SLC24A2: variants seen among roughly 807,000 people sequenced by gnomAD.
SLC24A2 encodes the protein solute carrier family 24 member 2, also known as sodium/potassium/calcium exchanger 2.
In SLC24A2, 36 loss-of-function variants were observed where a neutral mutation model predicts 62.0. The ratio of observed to expected loss-of-function variants is 0.58; its 90% CI spans 0.44 to 0.77. SLC24A2 has a LOEUF of 0.77. Among genes scored for constraint, SLC24A2 ranks in the 30% least tolerant of loss-of-function variants. The probability of loss-of-function intolerance (pLI) is 0.00; values close to 1 mark genes in which losing one functional copy is unlikely to be tolerated. For missense variants in SLC24A2, 846 were observed against 817.9 expected, an observed-to-expected ratio of 1.03 and a Z score of -0.42; for synonymous variants, 358 against 294.0, an observed-to-expected ratio of 1.22 and a Z score of -2.23.
At chr9:19,728,111 C>T (rs1041406177) in intron 2 of SLC24A2, among the ~76,000 whole-genome samples, 9 of 152,082 alleles carry the variant, frequency 5.9e-5, no homozygotes, top group African/African-American at 1.9e-4. Flanking sequence ...CTTTCTGATC[C>T]GTAGTCAGAC....
intron 2 of SLC24A2, among the ~76,000 whole-genome samples, chr9:19,635,619 T>C (rs1818292212): frequency 1.3e-5 from 2 of 152,206 alleles, no homozygotes; most frequent in African/African-American, 4.8e-5. Flanking sequence ...AGACCGTGCT[T>C]ATATTGACAT....
the SLC24A2 span, among the ~76,000 whole-genome samples, chr9:20,157,454 T>C: frequency 6.6e-6 from 1 of 151,670 alleles, no homozygotes; most frequent in Admixed American, 6.6e-5. Context: ...ACAGAATACA[T>C]GGGTGAAACA....
chr9:19,777,827 C>T (rs1822889423), intron 2 of SLC24A2, among the ~76,000 whole-genome samples: 1 of 151,994 alleles, frequency 6.6e-6, no homozygotes, highest in Non-Finnish European at 1.5e-5. Flanking sequence ...ATAAACTGTT[C>T]AAAATTTTCT....
the SLC24A2 span, among the ~76,000 whole-genome samples, chr9:20,180,599 C>T: frequency 6.6e-6 from 1 of 152,112 alleles, no homozygotes; most frequent in African/African-American, 2.4e-5. Context: ...AGATTATTGG[C>T]ATGGCTGAAT....
At chr9:20,123,576 A>C in the SLC24A2 span, among the ~76,000 whole-genome samples, 3 of 152,208 alleles carry the variant, frequency 2.0e-5, no homozygotes, top group Non-Finnish European at 4.4e-5. Context: ...TTGAAAAAAT[A>C]CTGAACTTTT....
intron 8 of SLC24A2, among the ~76,000 whole-genome samples, chr9:19,546,051 T>A (rs1347207960): frequency 6.6e-6 from 1 of 152,242 alleles, no homozygotes; most frequent in East Asian, 1.9e-4. Context: ...CAGCAAAGAC[T>A]GCTGCGTGTT....
intron 8 of SLC24A2, among the ~76,000 whole-genome samples, chr9:19,543,344 C>A (rs1834377574): frequency 1.3e-5 from 2 of 150,072 alleles, no homozygotes; most frequent in African/African-American, 4.9e-5. Flanking sequence ...GGCTAGCAGT[C>A]TATCCATTTT....
the SLC24A2 span, among the ~76,000 whole-genome samples, chr9:19,910,882 G>C: frequency 6.7e-5 from 4 of 59,636 alleles, no homozygotes; most frequent in African/African-American, 8.8e-5. Flanking sequence ...CAGGCAGTGA[G>C]GTCCTTTTTT....
At chr9:20,048,171 C>A in the SLC24A2 span, among the ~76,000 whole-genome samples, 1 of 152,154 alleles carries the variant, frequency 6.6e-6, no homozygotes, top group African/African-American at 2.4e-5. Context: ...TAAATACAGT[C>A]CCCTTAGTAC....
chr9:20,129,928 T>TACACACACACACACAC, the SLC24A2 span, among the ~76,000 whole-genome samples: 8,344 of 141,704 alleles, frequency 0.059, 315 homozygotes, highest in Middle Eastern at 0.089. Flanking sequence ...TATAATTTAC[T>TACACACACACACACAC]ACACACACAC....
rs1437522251 is a variant in SLC24A2, at chr9:19,508,581, C to A, written c.*7572G>T. 1 of 152,030 alleles carries A rather than the reference C, an allele frequency of 6.6e-6. No homozygotes were observed. Among genetic ancestry groups the A allele is most frequent in the Non-Finnish European group, 1.5e-5 (1 of 68,042 alleles). 9.4% of individuals were successfully genotyped at this position (152,030 alleles called of 1,614,324 possible). A position where few individuals can be genotyped will look rare whatever the true frequency, so the allele number is the denominator to read the frequency against. ...GCCAAAGCAGGAGGATCTCTTGAGCCCAGGAGTTTGAGACCAGCCTGGGTA... is the reference window on the plus strand; with the variant it reads ...GCCAAAGCAGGAGGATCTCTTGAGCACAGGAGTTTGAGACCAGCCTGGGTA... On this transcript the variant is annotated 3_prime_UTR_variant, in exon 11 of 11. Transcript: ENST00000341998.
intron 2 of SLC24A2, among the ~76,000 whole-genome samples, chr9:19,776,662 AATTATTGCTTGGTC>A: frequency 6.6e-6 from 1 of 152,188 alleles, no homozygotes; most frequent in African/African-American, 2.4e-5. Context: ...CTTAAGCTAA[AATTATTGCTTGGTC>A]AAGTCAATTA....
chr9:19,668,347 A>C lies in SLC24A2; in HGVS notation c.931-46048T>G, dbSNP rs116056246. On this transcript the variant is annotated intron_variant, in intron 2 of 10. Coordinates refer to ENST00000341998, the MANE Select transcript of SLC24A2 (RefSeq NM_020344.4). ...CAACAGAGTCAGGATTCAACCCCAGAGCTGGGTGAAATTGCACAGCCCAGA... is the reference window on the plus strand; with the variant it reads ...CAACAGAGTCAGGATTCAACCCCAGCGCTGGGTGAAATTGCACAGCCCAGA... Among the ~76,000 whole-genome samples the C allele has an allele frequency of 6.2e-3, 951 of 152,288 alleles. 11 individuals are homozygous for C. The highest frequency in any genetic ancestry group is 0.022 in the African/African-American group (908 of 41,560).
the SLC24A2 span, among the ~76,000 whole-genome samples, chr9:20,174,660 T>C: frequency 6.6e-6 from 1 of 151,984 alleles, no homozygotes; most frequent in Non-Finnish European, 1.5e-5. Flanking sequence ...AATACCGCCT[T>C]ATTCCTGCAA....
chr9:19,550,256 C>G lies in SLC24A2; in HGVS notation c.1360G>C (p.Glu454Gln), dbSNP rs1276458113. 1 of 1,614,094 alleles carries G rather than the reference C, an allele frequency of 6.2e-7. No homozygotes were observed. The highest frequency in any genetic ancestry group is 8.5e-7 in the Non-Finnish European group (1 of 1,179,988). The part of the protein sequence containing the change: ...EGAEAQTADE[E>Q]EDQPLSLAWP... Reference sequence around the variant, plus strand: ...GCAAGGCTGAGAGGCTGGTCCTCCTCCTCATCAGCGGTCTGTGGTAGAAAA... The same window carrying G: ...GCAAGGCTGAGAGGCTGGTCCTCCTGCTCATCAGCGGTCTGTGGTAGAAAA... The change falls in exon 8 of 11, where the codon GAG becomes CAG. Residue 454 changes from glutamate to glutamine, a missense_variant. Physicochemically the swap from Glu to Gln is conservative, Grantham distance 29. Transcript: ENST00000341998.
At chr9:19,895,944 G>A in the SLC24A2 span, 10 of 1,612,380 alleles carry the variant, frequency 6.2e-6, no homozygotes, top group East Asian at 2.2e-5. Context: ...ACAGCTGCAC[G>A]TGCTCCAGGG....
chr9:20,178,151 G>T, the SLC24A2 span, among the ~76,000 whole-genome samples: 1 of 152,166 alleles, frequency 6.6e-6, no homozygotes, highest in African/African-American at 2.4e-5. Flanking sequence ...AAAGGTTAAT[G>T]ATCTGAACTG....
At chr9:20,018,558 G>A in the SLC24A2 span, among the ~76,000 whole-genome samples, 1 of 151,528 alleles carries the variant, frequency 6.6e-6, no homozygotes, top group African/African-American at 2.4e-5. Flanking sequence ...TCTTCTTCAT[G>A]CTCACTTGTC....
intron 10 of SLC24A2, among the ~76,000 whole-genome samples, chr9:19,519,799 C>T (rs1226446693): frequency 6.6e-6 from 1 of 152,160 alleles, no homozygotes; most frequent in Non-Finnish European, 1.5e-5. Context: ...CAGAGTTTTC[C>T]AGTCAGACAA....
Sources: allele counts gnomAD v4.1 joint callset (sites outside exome capture counted in the v4.1 genomes callset), GRCh38; gene constraint gnomAD v4.1.1; transcripts MANE v1.5; gene names NCBI Gene and HGNC (gene_info 2026-07-23, HGNC 2026-07-21).